The following PRH1 variants were observed in gnomAD, a reference collection of about 807,000 sequenced individuals.
The protein encoded by PRH1 is salivary acidic proline-rich phosphoprotein 1/2.
In PRH1, 7 loss-of-function variants were observed where a neutral mutation model predicts 7.9. The ratio of observed to expected loss-of-function variants is 0.89; its 90% CI spans 0.50 to 1.67. PRH1 has a LOEUF of 1.67. PRH1 is among the 40% of genes most tolerant of loss of function. PRH1 has a pLI of 0.00. For missense variants in PRH1, 109 were observed against 223.6 expected, an observed-to-expected ratio of 0.49 and a Z score of 3.27; for synonymous variants, 45 against 80.8, an observed-to-expected ratio of 0.56 and a Z score of 2.38.
intron 2 of PRH1, chr12:10,908,326 T>C (rs1565463574): frequency 6.8e-7 from 1 of 1,466,150 alleles, no homozygotes; most frequent in East Asian, 2.3e-5. Flanking sequence ...TGTAGACTCC[T>C]GTTTCTGTCT....
At chr12:11,163,594 G>C (rs1053407213) in intron 1 of PRH1, among the ~76,000 whole-genome samples, 1 of 151,994 alleles carries the variant, frequency 6.6e-6, no homozygotes, top group South Asian at 2.1e-4. Flanking sequence ...GTGTGGTTAC[G>C]GACCAAGATT....
At chr12:11,028,722 T>A (rs186130087) in intron 1 of PRH1, among the ~76,000 whole-genome samples, 3 of 151,362 alleles carry the variant, frequency 2.0e-5, no homozygotes, top group African/African-American at 4.8e-5. Context: ...CAAACTATTA[T>A]AATAGGTGCC....
chr12:11,089,827 AC>A (rs1453330755), intron 1 of PRH1, among the ~76,000 whole-genome samples: 3 of 117,288 alleles, frequency 2.6e-5, no homozygotes, highest in African/African-American at 8.6e-5. Flanking sequence ...TTGATGTTCT[AC>A]CTTGTCTCCA....
chr12:11,029,225 T>C (rs1315691740), intron 1 of PRH1, among the ~76,000 whole-genome samples: 5 of 152,410 alleles, frequency 3.3e-5, no homozygotes, highest in Admixed American at 2.6e-4. Flanking sequence ...AGAATTTAGC[T>C]GTGAACAAGA....
upstream of PRH1, among the ~76,000 whole-genome samples, chr12:10,886,582 C>T (rs1375713087): frequency 5.9e-5 from 9 of 152,158 alleles, no homozygotes; most frequent in East Asian, 5.8e-4. Context: ...GAAAGGGAGA[C>T]GCAGGACTGC....
At chr12:10,992,985 G>A (rs1489865887) in intron 1 of PRH1, among the ~76,000 whole-genome samples, 1 of 152,086 alleles carries the variant, frequency 6.6e-6, no homozygotes, top group Non-Finnish European at 1.5e-5. Flanking sequence ...GAATAGAATT[G>A]GTCACCGACA....
chr12:11,067,406 A>T (rs1217492731), intron 1 of PRH1, among the ~76,000 whole-genome samples: 2 of 151,254 alleles, frequency 1.3e-5, no homozygotes, highest in Admixed American at 1.3e-4. Context: ...TGACTTTGTG[A>T]CACTTTGACA....
chr12:10,973,692 T>G (rs1470135918), exon 2 of PRH1: 1 of 780,208 alleles, frequency 1.3e-6, no homozygotes, highest in African/African-American at 1.7e-5. Context: ...TACAGCAGGT[T>G]CCAGCAGGCA....
intron 2 of PRH1, among the ~76,000 whole-genome samples, chr12:10,925,303 G>C (rs972013733): frequency 6.6e-6 from 1 of 152,128 alleles, no homozygotes; most frequent in African/African-American, 2.4e-5. Context: ...CCAGGACACA[G>C]GGGCACTCTC....
At chr12:10,939,175 G>C in intron 2 of PRH1, 1 of 1,594,696 alleles carries the variant, frequency 6.3e-7, no homozygotes, top group Non-Finnish European at 8.5e-7. Flanking sequence ...CAATTAAAAC[G>C]AATGTAAATA....
intron 1 of PRH1, among the ~76,000 whole-genome samples, chr12:10,977,747 C>T (rs1939169940): frequency 6.6e-6 from 1 of 152,120 alleles, no homozygotes; most frequent in South Asian, 2.1e-4. Flanking sequence ...AAATTAGTAA[C>T]ATTCCTATAT....
At chr12:11,135,307 G>A (rs1358880016) in intron 1 of PRH1, among the ~76,000 whole-genome samples, 4 of 152,058 alleles carry the variant, frequency 2.6e-5, no homozygotes, top group African/African-American at 9.7e-5. Flanking sequence ...ATAGAAATTT[G>A]AGATAGCTTC....
intron 1 of PRH1, among the ~76,000 whole-genome samples, chr12:11,102,861 C>T (rs1945298012): frequency 6.6e-6 from 1 of 152,088 alleles, no homozygotes; most frequent in South Asian, 2.1e-4. Flanking sequence ...ATCAAACAAC[C>T]CCATCAACAA....
chr12:11,050,518 C>T (rs2136148433), upstream of PRH1, among the ~76,000 whole-genome samples: 1 of 152,328 alleles, frequency 6.6e-6, no homozygotes, highest in South Asian at 2.1e-4. Context: ...CACAGTGCTG[C>T]AGAGATTTTA....
intron 1 of PRH1, among the ~76,000 whole-genome samples, chr12:11,042,874 C>T (rs1161853527): frequency 2.0e-5 from 3 of 151,920 alleles, no homozygotes; most frequent in South Asian, 2.1e-4. Context: ...CGTGATCCAC[C>T]GAACTCAGCC....
chr12:10,930,266 T>C (rs1950184759), intron 2 of PRH1: 2 of 1,613,082 alleles, frequency 1.2e-6, no homozygotes, highest in Non-Finnish European at 1.7e-6. Flanking sequence ...ACTTCTTTTC[T>C]AGATGTCAGC....
chr12:11,139,941 T>A (rs1231425463), intron 1 of PRH1, among the ~76,000 whole-genome samples: 1 of 152,104 alleles, frequency 6.6e-6, no homozygotes, highest in East Asian at 1.9e-4. Flanking sequence ...GTTTTGTATT[T>A]ATATAACATA....
At chr12:11,012,250 C>T (rs1941100976) in intron 1 of PRH1, among the ~76,000 whole-genome samples, 1 of 151,982 alleles carries the variant, frequency 6.6e-6, no homozygotes, top group South Asian at 2.1e-4. Context: ...GATATTATTT[C>T]TTTCCAGTTG....
At chr12:11,061,509 C>A (rs762373246) in intron 1 of PRH1, 2 of 1,614,118 alleles carry the variant, frequency 1.2e-6, no homozygotes, top group Non-Finnish European at 8.5e-7. Context: ...CTTCGCAGAA[C>A]ATGAAGACAG....
Sources: allele counts gnomAD v4.1 joint callset (sites outside exome capture counted in the v4.1 genomes callset), GRCh38; gene constraint gnomAD v4.1.1; transcripts MANE v1.5; gene names NCBI Gene and HGNC (gene_info 2026-07-23, HGNC 2026-07-21).